Variants in NDUFA10 observed in about 807,000 individuals in gnomAD.
The protein encoded by NDUFA10 is NADH:ubiquinone oxidoreductase subunit A10, also known as NADH dehydrogenase [ubiquinone] 1 alpha subcomplex subunit 10, mitochondrial.
In NDUFA10, 40 loss-of-function variants were observed where a neutral mutation model predicts 47.8. That is an observed-to-expected ratio of 0.84 (90% CI 0.65 to 1.09). The LOEUF (loss-of-function observed/expected upper bound fraction) is 1.09. NDUFA10 is among the 50% of genes least tolerant of loss of function. The pLI, the probability that NDUFA10 is intolerant of heterozygous loss-of-function variation, is 0.00. For missense variants in NDUFA10, 413 were observed against 451.1 expected, an observed-to-expected ratio of 0.92 and a Z score of 0.76; for synonymous variants, 183 against 172.2, an observed-to-expected ratio of 1.06 and a Z score of -0.49.
intron 4 of NDUFA10, among the ~76,000 whole-genome samples, chr2:239,907,493 A>C (rs1693675970): frequency 1.3e-5 from 2 of 152,244 alleles, no homozygotes; most frequent in Non-Finnish European, 2.9e-5. Context: ...TTTATGATCT[A>C]CCCATCTAAC....
chr2:239,909,702 TA>T (rs889054780), intron 4 of NDUFA10, among the ~76,000 whole-genome samples: 2 of 149,626 alleles, frequency 1.3e-5, no homozygotes, highest in Non-Finnish European at 2.9e-5. Context: ...GATTTCATGA[TA>T]AAAAAATGCC....
intron 4 of NDUFA10, among the ~76,000 whole-genome samples, chr2:239,929,596 C>T (rs1406022354): frequency 2.0e-5 from 3 of 151,796 alleles, no homozygotes; most frequent in East Asian, 1.9e-4. Flanking sequence ...GCTCCTCCGC[C>T]GGCCCTGCTT....
At chr2:239,971,888 T>C (rs1695318574) in intron 9 of NDUFA10, among the ~76,000 whole-genome samples, 2 of 152,228 alleles carry the variant, frequency 1.3e-5, no homozygotes, top group African/African-American at 2.4e-5. Flanking sequence ...CAATTTTCCA[T>C]TTATCTGTCA....
At position 240,014,851 on chromosome 2, in the gene NDUFA10, T is replaced by G; in HGVS notation, c.557A>C (p.His186Pro). Residue 186 changes from histidine to proline, a missense_variant, in exon 5 of 10, where the codon CAC becomes CCC. Transcript: ENST00000252711. ...GGTGACGCTCTTCACCTCGTTGTAG[T>G]GGTCCACACCTGGCACATAGGAGAA... ...QGFIRKQCVD[H>P]YNEVKSVTIC... is the part of the protein sequence containing the mutation. The G allele has an allele frequency of 1.2e-6, 2 of 1,614,192 alleles. No individual in the cohort carries two copies. The highest frequency in any genetic ancestry group is 1.3e-5 in the African/African-American group (1 of 75,036).
At chr2:239,935,030 C>T (rs1293489920) in intron 4 of NDUFA10, among the ~76,000 whole-genome samples, 1 of 152,206 alleles carries the variant, frequency 6.6e-6, no homozygotes. Flanking sequence ...TGGAGGCCTC[C>T]CCTGCATGGA....
chr2:239,921,271 A>G (rs1374505027), intron 4 of NDUFA10, among the ~76,000 whole-genome samples: 1 of 152,148 alleles, frequency 6.6e-6, no homozygotes, highest in Non-Finnish European at 1.5e-5. Context: ...ACTGACTTCA[A>G]GAACAAAGCC....
intron 9 of NDUFA10, among the ~76,000 whole-genome samples, chr2:239,969,116 C>T (rs945067981): frequency 1.3e-5 from 2 of 152,106 alleles, no homozygotes; most frequent in Admixed American, 6.6e-5. Flanking sequence ...AGACATCTCT[C>T]GGCGTATGAA....
At chr2:240,014,556 G>T in intron 5 of NDUFA10, 183 bp downstream of exon 5, 1 of 936,144 alleles carries the variant, frequency 1.1e-6, no homozygotes, top group Non-Finnish European at 1.6e-6. Context: ...TGTGGCACCA[G>T]GCCGAGCCAT....
chr2:240,000,342 T>G (rs1696653472), intron 8 of NDUFA10, among the ~76,000 whole-genome samples: 1 of 152,186 alleles, frequency 6.6e-6, no homozygotes, highest in African/African-American at 2.4e-5. Flanking sequence ...GTGATACAGA[T>G]GCTCCCGACT....
chr2:239,959,716 C>G lies in NDUFA10; in HGVS notation c.*1402G>C. 1 of 791,422 alleles carries G rather than the reference C, an allele frequency of 1.3e-6. No homozygotes were observed. The highest frequency in any genetic ancestry group is 1.5e-6 in the Non-Finnish European group (1 of 660,116). 49.0% of individuals were successfully genotyped at this position (791,422 alleles called of 1,614,324 possible). ...GGAAGGAAAGAGGCAGGGAGGAAAACAAGGACAGACGGAAGGAAGGAAGAG... is the reference window on the plus strand; with the variant it reads ...GGAAGGAAAGAGGCAGGGAGGAAAAGAAGGACAGACGGAAGGAAGGAAGAG... On this transcript the variant is annotated 3_prime_UTR_variant, in exon 10 of 10. Coordinates refer to ENST00000252711, the MANE Select transcript of NDUFA10 (RefSeq NM_004544.4).
At chr2:239,986,024 C>G (rs1695988133) in intron 9 of NDUFA10, among the ~76,000 whole-genome samples, 2 of 151,498 alleles carry the variant, frequency 1.3e-5, no homozygotes, top group Non-Finnish European at 2.9e-5. Flanking sequence ...CACCTACTTA[C>G]ACAACACACA....
In NDUFA10 at chr2:239,982,170, G is replaced by A. The variant is rs534334715; in HGVS notation, c.999+7904C>T. ...CCAAAGACCAGTGAGAAGCACTTCA[G>A]GACCCTCTCTTGTACTCTGCACAGC... On this transcript the variant is annotated intron_variant, in intron 9 of 9. Coordinates refer to ENST00000252711, the MANE Select transcript of NDUFA10 (RefSeq NM_004544.4). 2.5e-6 allele frequency: 4 copies of A among 1,612,878 alleles called. No homozygotes were observed. The East Asian group carries it at 6.7e-5, about 27-fold the overall frequency.
intron 4 of NDUFA10, among the ~76,000 whole-genome samples, chr2:239,911,680 CGT>C (rs112686987): frequency 5.0e-4 from 75 of 149,818 alleles, no homozygotes; most frequent in African/African-American, 7.6e-4. Flanking sequence ...AGTGTGTGTG[CGT>C]GTGTGTGTGT....
chr2:239,964,476 T>G (rs1694982863), intron 9 of NDUFA10, among the ~76,000 whole-genome samples: 1 of 152,174 alleles, frequency 6.6e-6, no homozygotes, highest in Non-Finnish European at 1.5e-5. Flanking sequence ...TGTTTTAAGC[T>G]GCTAGAGAGT....
At chr2:239,895,461 C>A in intron 4 of NDUFA10, 1 of 192,768 alleles carries the variant, frequency 5.2e-6, no homozygotes, top group South Asian at 7.7e-5. Context: ...AGGGGAGAAA[C>A]TATAAAATGA....
chr2:239,912,953 C>T (rs571626282), intron 4 of NDUFA10, among the ~76,000 whole-genome samples: 1 of 152,344 alleles, frequency 6.6e-6, no homozygotes, highest in Admixed American at 6.5e-5. Context: ...CCCAGCTGCC[C>T]GAGTCAACAT....
intron 1 of NDUFA10, 129 bp downstream of exon 1, chr2:240,025,098 C>A: frequency 1.1e-6 from 1 of 928,124 alleles, no homozygotes; most frequent in African/African-American, 1.8e-5. Context: ...CAGGAGGGGT[C>A]CCCCAAACCC....
rs144174415 is a variant in NDUFA10, at chr2:239,965,092, C to A, written c.1000-3906G>T. On this transcript the variant is annotated intron_variant, in intron 9 of 9. Coordinates refer to ENST00000252711, the MANE Select transcript of NDUFA10 (RefSeq NM_004544.4). ...GGCTGGGTTTGGGACAGTCTGGCTCCATTTTCATCTTTGCAAATAGAATTT... is the reference window on the plus strand; with the variant it reads ...GGCTGGGTTTGGGACAGTCTGGCTCAATTTTCATCTTTGCAAATAGAATTT... 1.2e-4 allele frequency among the ~76,000 whole-genome samples: 18 copies of A among 152,320 alleles called. 1 individual carries two copies. Among genetic ancestry groups the A allele is most frequent in the Middle Eastern group, 3.4e-3 (1 of 294 alleles).
chr2:239,946,814 C>CTA (rs1431179697), intron 4 of NDUFA10, among the ~76,000 whole-genome samples: 1 of 152,258 alleles, frequency 6.6e-6, no homozygotes. Flanking sequence ...AGAGAGAAGG[C>CTA]TACAAGCACA....
Sources: allele counts gnomAD v4.1 joint callset (sites outside exome capture counted in the v4.1 genomes callset), GRCh38; gene constraint gnomAD v4.1.1; transcripts MANE v1.5; gene names NCBI Gene and HGNC (gene_info 2026-07-23, HGNC 2026-07-21).